CELSR1: variants seen among roughly 807,000 people sequenced by gnomAD.
CELSR1 encodes the protein adhesion G protein-coupled receptor C1.
Under a neutral mutation model 249.1 loss-of-function variants are expected in CELSR1, and 110 were observed. That is an observed-to-expected ratio of 0.44 (90% CI 0.38 to 0.52). The LOEUF is 0.52. CELSR1 is among the 20% of genes least tolerant of loss of function. The pLI is 0.00. For synonymous variants in CELSR1, 2,113 were observed against 1,900.0 expected (o/e 1.11, Z -2.92); for missense variants, 4,109 against 4,296.4 (o/e 0.96, Z 1.22).
Position 46,411,622 on chromosome 22 carries a change from G to A in CELSR1, c.4749C>T (p.Gly1583=), listed in dbSNP as rs777049399. 6.2e-6 allele frequency: 10 copies of A among 1,614,148 alleles called. No homozygotes were observed. The highest frequency in any genetic ancestry group is 1.3e-5 in the African/African-American group (1 of 75,062). Residue 1583 remains glycine, a synonymous_variant, in exon 6 of 35, where the codon GGC becomes GGT. Transcript: ENST00000674500. The surrounding 1 kb of genome is among the most constrained non-coding windows in gnomAD (Gnocchi z 4.2). Reference sequence around the variant, plus strand: ...CTCACTTCTTGGAGCCGGTCTGAGTGCCCTGGGCAGCGCAGCTGTAGTTCC... The same window carrying A: ...CTCACTTCTTGGAGCCGGTCTGAGTACCCTGGGCAGCGCAGCTGTAGTTCC... ...DIGNYSCAAQ[G]TQTGSKKSLD...
rs1219846600 is a variant in CELSR1, at chr22:46,433,382, G to A, written c.4611+11C>T. On this transcript the variant is annotated intron_variant, in intron 5 of 34. Transcript: ENST00000674500. This position sits in a 1 kb window ranked among gnomAD's most constrained non-coding sequence, Gnocchi z 5.7. The stretch of plus-strand genomic sequence containing the variant: ...CCTGGGGCCAGGGGGAAGTGGTGGG[G>A]CCCATCTTACCTTGTTGTAGTACTG... 4.3e-6 allele frequency: 7 copies of A among 1,609,280 alleles called. No homozygotes were observed. The highest frequency in any genetic ancestry group is 5.9e-6 in the Non-Finnish European group (7 of 1,176,506).
intron 1 of CELSR1, among the ~76,000 whole-genome samples, chr22:46,474,820 A>C (rs2147637211): frequency 3.1e-5 from 3 of 95,454 alleles, no homozygotes; most frequent in African/African-American, 8.4e-5. Flanking sequence ...ACGGAGTCTC[A>C]CTCTGTCATC....
chr22:46,479,615 T>TG lies in CELSR1; in HGVS notation c.3545-15271dup, dbSNP rs34913626. 1.5e-3 allele frequency among the ~76,000 whole-genome samples: 183 copies of TG among 121,468 alleles called. 1 individual carries two copies. The highest frequency in any genetic ancestry group is 1.5e-3 in the Non-Finnish European group (90 of 59,104). 79.7% of individuals were successfully genotyped at this position (121,468 alleles called of 152,430 possible). A position where few individuals can be genotyped will look rare whatever the true frequency, so the allele number is the denominator to read the frequency against. ...ACTTTTTGTGGTTATTTGGACTTTT[T>TG]GGGGGGGGGCCGGGGGTGGGTAGAA... On this transcript the variant is annotated intron_variant, in intron 1 of 34. Transcript: ENST00000674500.
rs551685998 is a variant in CELSR1, at chr22:46,437,811, T to A, written c.4406+1378A>T. 6.6e-6 allele frequency among the ~76,000 whole-genome samples: 1 copy of A among 150,486 alleles called. No homozygotes were observed. The highest frequency in any genetic ancestry group is 1.5e-5 in the Non-Finnish European group (1 of 67,900). ...TCGCCCAAACCCCCTCTCTTTAGAA[T>A]GCAAGCAAGAAATGACGACAAACAC... is the stretch of plus-strand genomic sequence containing the variant. On this transcript the variant is annotated intron_variant, in intron 3 of 34. Transcript: ENST00000674500. The surrounding 1 kb of genome is among the most constrained non-coding windows in gnomAD (Gnocchi z 4.9).
At position 46,433,517 on chromosome 22, in the gene CELSR1, G is replaced by C; in HGVS notation, c.4523-36C>G. The C allele has an allele frequency of 1.3e-6, 2 of 1,557,050 alleles. No homozygotes were observed. The highest frequency in any genetic ancestry group is 1.7e-4 in the Middle Eastern group (1 of 5,978). ...GGAGGGAGACCCAGAGAGAAAACAG[G>C]GGTTGGCGGGGCCTACTGGGGACCG... On this transcript the variant is annotated intron_variant, in intron 4 of 34. Coordinates refer to ENST00000674500, the MANE Select transcript of CELSR1 (RefSeq NM_001378328.1). The surrounding 1 kb of genome is among the most constrained non-coding windows in gnomAD (Gnocchi z 5.7).
Position 46,427,963 on chromosome 22 carries a change from T to C in CELSR1, c.4611+5430A>G, listed in dbSNP as rs567323630. On this transcript the variant is annotated intron_variant, in intron 5 of 34. Coordinates refer to ENST00000674500, the MANE Select transcript of CELSR1 (RefSeq NM_001378328.1). The surrounding 1 kb of genome is among the most constrained non-coding windows in gnomAD (Gnocchi z 4.2). The stretch of plus-strand genomic sequence containing the variant: ...CCCGACCCCAGGGGTGCTCCGGGGG[T>C]ACATCTCCCACTCTCCTTGGGACTC... Among the ~76,000 whole-genome samples, 13 of 152,068 alleles carry C rather than the reference T, an allele frequency of 8.5e-5. No homozygotes were observed. In the South Asian group the frequency reaches 2.5e-3, roughly 29 times the overall value.
chr22:46,460,988 G>A (rs774387055), intron 2 of CELSR1, among the ~76,000 whole-genome samples: 1 of 152,144 alleles, frequency 6.6e-6, no homozygotes, highest in South Asian at 2.1e-4. Context: ...AGAAGCCAGG[G>A]GCTTTCAGCA....
At position 46,536,024 on chromosome 22, in the gene CELSR1, G is replaced by A. The variant is rs138377912; in HGVS notation, c.1147C>T (p.Pro383Ser). The A allele has an allele frequency of 4.3e-5, 69 of 1,610,328 alleles. No individual in the cohort carries two copies. The African/African-American group carries it at 7.5e-4, about 17-fold the overall frequency. The stretch of plus-strand genomic sequence containing the variant: ...CGGTAACGCAAGTTGGCGTTGATGG[G>A]CGAGTCGCGGTCGCTGGCGCGGATG... ...LTIRASDRDSPINANLRYRVL... is the reference protein window; with the variant it reads ...LTIRASDRDSSINANLRYRVL... Residue 383 changes from proline (P) to serine (S), a missense_variant, in exon 1 of 35, where the codon CCC becomes TCC. Physicochemically the swap from Pro to Ser is moderately conservative, Grantham distance 74 (BLOSUM62 -1). Around this residue, in one of 7 missense-constraint regions of CELSR1, gnomAD observed 673 missense variants for 636.8 expected, o/e 1.06. Coordinates refer to ENST00000674500, the MANE Select transcript of CELSR1 (RefSeq NM_001378328.1).
chr22:46,365,394 G>A lies in CELSR1; in HGVS notation c.8405-14C>T, dbSNP rs372686806. 33 of 1,611,850 alleles carry A rather than the reference G, an allele frequency of 2.0e-5. No individual in the cohort carries two copies. The highest frequency in any genetic ancestry group is 2.7e-5 in the Non-Finnish European group (32 of 1,179,808). ...CGGAATCGTGGCCTGTGGATGCGCG[G>A]GGGACAGGGAGGCTCAGGCCCTGGG... On this transcript the variant is annotated splice_polypyrimidine_tract_variant and intron_variant, in intron 31 of 34. Transcript: ENST00000674500.
In CELSR1 at chr22:46,395,441, C is replaced by T. The variant is rs2079137634; in HGVS notation, c.5843+1164G>A. ...TCAGCCTCATCCCCTTACTCCTCTC[C>T]AGCTTGGCTCTGTTGCTTTCGCTCC... On this transcript the variant is annotated intron_variant, in intron 13 of 34. Coordinates refer to ENST00000674500, the MANE Select transcript of CELSR1 (RefSeq NM_001378328.1). This position sits in a 1 kb window ranked among gnomAD's most constrained non-coding sequence, Gnocchi z 5.5. 6.6e-6 allele frequency among the ~76,000 whole-genome samples: 1 copy of T among 152,154 alleles called. No homozygotes were observed. Among genetic ancestry groups the T allele is most frequent in the South Asian group, 2.1e-4 (1 of 4,836 alleles).
chr22:46,387,933 C>A (rs548789307), intron 18 of CELSR1, among the ~76,000 whole-genome samples: 1 of 152,150 alleles, frequency 6.6e-6, no homozygotes, highest in Non-Finnish European at 1.5e-5. Context: ...ACACTGAGGC[C>A]GCCGTGGACA....
Position 46,512,190 on chromosome 22 carries a change from G to C in CELSR1, c.3544+21437C>G, listed in dbSNP as rs548120900. 2.1e-4 allele frequency among the ~76,000 whole-genome samples: 32 copies of C among 152,282 alleles called. 1 individual carries two copies. In the South Asian group the frequency reaches 6.6e-3, roughly 32 times the overall value. On this transcript the variant is annotated intron_variant, in intron 1 of 34. Coordinates refer to ENST00000674500, the MANE Select transcript of CELSR1 (RefSeq NM_001378328.1). The surrounding 1 kb of genome is among the most constrained non-coding windows in gnomAD (Gnocchi z 5.2). ...AGCCCTTACTAAGCGTGCTGCCCTC[G>C]AGGGCTCACAGCTAGGGGCAGGTGT... is the stretch of plus-strand genomic sequence containing the variant.
In CELSR1 at chr22:46,427,704, G is replaced by A. The variant is rs985504142; in HGVS notation, c.4611+5689C>T. ...ATTCTATTAAATACCTTCCAAGTTC[G>A]TTTCTGTAAGTTGGATTCTGTGCGT... On this transcript the variant is annotated intron_variant, in intron 5 of 34. Coordinates refer to ENST00000674500, the MANE Select transcript of CELSR1 (RefSeq NM_001378328.1). The surrounding 1 kb of genome is among the most constrained non-coding windows in gnomAD (Gnocchi z 4.2). Among the ~76,000 whole-genome samples the A allele has an allele frequency of 6.6e-5, 10 of 152,096 alleles. No homozygotes were observed. The highest frequency in any genetic ancestry group is 1.0e-4 in the Non-Finnish European group (7 of 68,028).
rs773998342 is a variant in CELSR1, at chr22:46,535,265, A to T, written c.1906T>A (p.Ser636Thr). The T allele has an allele frequency of 5.0e-6, 8 of 1,610,144 alleles. No individual in the cohort carries two copies. Among genetic ancestry groups the T allele is most frequent in the Non-Finnish European group, 5.1e-6 (6 of 1,179,948 alleles). Residue 636 changes from serine to threonine, a missense_variant, in exon 1 of 35, where the codon TCC becomes ACC. Around this residue, in one of 7 missense-constraint regions of CELSR1, gnomAD observed 886 missense variants for 896.5 expected, o/e 0.99. Transcript: ENST00000674500. ...PDFPFQIHNSSGWITVCAELD... is the reference protein window; with the variant it reads ...PDFPFQIHNSTGWITVCAELD... The stretch of plus-strand genomic sequence containing the variant: ...TCGGCACACACTGTGATCCAACCGG[A>T]GCTGTTGTGGATCTGGAAGGGGAAG...
intron 1 of CELSR1, among the ~76,000 whole-genome samples, chr22:46,513,166 G>C (rs2080590999): frequency 1.3e-5 from 2 of 152,172 alleles, no homozygotes; most frequent in Admixed American, 1.3e-4. Flanking sequence ...CTGGGGACTA[G>C]GCCATGTGGG....
Position 46,380,637 on chromosome 22 carries a change from G to A in CELSR1, c.7256+151C>T, listed in dbSNP as rs933536217. 5 of 805,294 alleles carry A rather than the reference G, an allele frequency of 6.2e-6. No individual in the cohort carries two copies. The highest frequency in any genetic ancestry group is 9.8e-6 in the Non-Finnish European group (5 of 511,968). 49.9% of individuals were successfully genotyped at this position (805,294 alleles called of 1,614,324 possible). On this transcript the variant is annotated intron_variant, in intron 22 of 34. Coordinates refer to ENST00000674500, the MANE Select transcript of CELSR1 (RefSeq NM_001378328.1). This position sits in a 1 kb window ranked among gnomAD's most constrained non-coding sequence, Gnocchi z 5.1. ...CTGATATTCCCACAGAAGCAGAGCA[G>A]GAGGCTCACTGCCCCCACGGGGGAC...
intron 2 of CELSR1, chr22:46,462,883 G>T (rs1035413553): frequency 4.3e-6 from 2 of 467,194 alleles, no homozygotes; most frequent in African/African-American, 4.0e-5. Flanking sequence ...CAAGGAAAGA[G>T]CATCTTCAGA....
At chr22:46,516,251 T>C (rs1178443675) in intron 1 of CELSR1, among the ~76,000 whole-genome samples, 1 of 152,122 alleles carries the variant, frequency 6.6e-6, no homozygotes, top group African/African-American at 2.4e-5. Context: ...ATGTGGCACA[T>C]ATACACCATG....
At chr22:46,372,702 C>G (rs533321873) in intron 25 of CELSR1, among the ~76,000 whole-genome samples, 181 bp downstream of exon 25, 1 of 152,148 alleles carries the variant, frequency 6.6e-6, no homozygotes, top group African/African-American at 2.4e-5. Context: ...AGACGTCGCC[C>G]CAGGTGTCTG....
Sources: allele counts gnomAD v4.1 joint callset (sites outside exome capture counted in the v4.1 genomes callset), GRCh38; gene constraint gnomAD v4.1.1; regional missense constraint gnomAD v4.1.1; non-coding constraint Gnocchi (gnomAD v3.1); transcripts MANE v1.5; gene names NCBI Gene and HGNC (gene_info 2026-07-23, HGNC 2026-07-21).